PACRG: variants seen among roughly 807,000 people sequenced by gnomAD.
The protein encoded by PACRG is parkin coregulated gene protein.
Under a neutral mutation model 29.7 loss-of-function variants are expected in PACRG, and 29 were observed. That is an observed-to-expected ratio of 0.98 (90% confidence interval 0.73 to 1.33). The LOEUF (loss-of-function observed/expected upper bound fraction) is 1.33. Among genes scored for constraint, PACRG ranks in the 40% most tolerant of loss-of-function variants. The pLI, the probability that PACRG is intolerant of heterozygous loss-of-function variation, is 0.00. For missense variants in PACRG, 279 were observed against 316.2 expected, an observed-to-expected ratio of 0.88 and a Z score of 0.89; for synonymous variants, 116 against 118.7, an observed-to-expected ratio of 0.98 and a Z score of 0.15.
At chr6:162,815,411 T>A (rs1304837880) in intron 2 of PACRG, among the ~76,000 whole-genome samples, 1 of 149,972 alleles carries the variant, frequency 6.7e-6, no homozygotes, top group Non-Finnish European at 1.5e-5. Context: ...ATATCTAGTA[T>A]GTCTTTTGAA....
At chr6:163,196,592 G>A (rs564468870) in intron 4 of PACRG, among the ~76,000 whole-genome samples, 1 of 152,314 alleles carries the variant, frequency 6.6e-6, no homozygotes, top group South Asian at 2.1e-4. Flanking sequence ...ACCTGTTGTC[G>A]TCGTTGGAAC....
chr6:162,947,372 A>ATGATATATATATCATATATGATATG (rs1799157667), intron 2 of PACRG, among the ~76,000 whole-genome samples: 1 of 21,908 alleles, frequency 4.6e-5, no homozygotes, highest in African/African-American at 9.1e-5. Context: ...GTAATCATAT[A>ATGATATATATATCATATATGATATG]TAATCATATA....
chr6:162,865,643 C>T (rs114579569), intron 2 of PACRG, among the ~76,000 whole-genome samples: 1,711 of 152,254 alleles, frequency 0.011, 34 homozygotes, highest in African/African-American at 0.039. Context: ...GTTTATTTTA[C>T]ACTTCTTGAA....
chr6:162,744,239 A>G (rs1416670293), intron 1 of PACRG, among the ~76,000 whole-genome samples: 1 of 152,198 alleles, frequency 6.6e-6, no homozygotes, highest in Non-Finnish European at 1.5e-5. Context: ...GTCTGTAGTT[A>G]TTCTGGATCA....
intron 2 of PACRG, among the ~76,000 whole-genome samples, chr6:163,016,531 G>A (rs374796997): frequency 3.1e-4 from 47 of 151,598 alleles, no homozygotes; most frequent in South Asian, 2.3e-3. Flanking sequence ...AAGTATTTTT[G>A]TAATGGTAAT....
chr6:163,172,452 G>A (rs961129797), intron 4 of PACRG, among the ~76,000 whole-genome samples: 13 of 152,298 alleles, frequency 8.5e-5, no homozygotes, highest in Admixed American at 2.6e-4. Flanking sequence ...CTTTGATTCA[G>A]GCCGTGGAAT....
intron 4 of PACRG, among the ~76,000 whole-genome samples, chr6:163,154,894 A>G (rs1234757059): frequency 1.3e-5 from 2 of 152,150 alleles, no homozygotes; most frequent in East Asian, 3.9e-4. Flanking sequence ...AAACAAGCCC[A>G]AAGCTCTTAT....
intron 2 of PACRG, among the ~76,000 whole-genome samples, chr6:162,936,240 A>C (rs1429333222): frequency 6.6e-6 from 1 of 152,178 alleles, no homozygotes; most frequent in African/African-American, 2.4e-5. Context: ...TCCCTCCCAC[A>C]ACACATGGGA....
chr6:163,240,251 G>T (rs1304471751), intron 4 of PACRG, among the ~76,000 whole-genome samples: 7 of 149,390 alleles, frequency 4.7e-5, no homozygotes, highest in Admixed American at 3.3e-4. Flanking sequence ...GGAGGAGGAG[G>T]GGGGGACGTG....
intron 4 of PACRG, among the ~76,000 whole-genome samples, chr6:163,291,251 C>A (rs1449714444): frequency 7.2e-6 from 1 of 139,716 alleles, no homozygotes; most frequent in Admixed American, 7.0e-5. Flanking sequence ...CTGCGGGTCA[C>A]CCTGCAAGAT....
At chr6:163,150,117 G>C (rs1485980555) in intron 4 of PACRG, among the ~76,000 whole-genome samples, 5 of 152,180 alleles carry the variant, frequency 3.3e-5, no homozygotes, top group African/African-American at 1.2e-4. Flanking sequence ...CCTGACGCCG[G>C]AGTGGCCTCT....
intron 4 of PACRG, among the ~76,000 whole-genome samples, chr6:163,304,035 A>AAAAAAAAAAT (rs1785104064): frequency 6.6e-6 from 1 of 150,970 alleles, no homozygotes; most frequent in East Asian, 1.9e-4. Context: ...AAAAAAAAAA[A>AAAAAAAAAAT]AAAGTAAATG....
intron 2 of PACRG, among the ~76,000 whole-genome samples, chr6:162,979,063 G>A (rs1469472073): frequency 6.6e-6 from 1 of 152,102 alleles, no homozygotes; most frequent in Non-Finnish European, 1.5e-5. Flanking sequence ...TCGTTATATA[G>A]GTCCTCTTCT....
intron 1 of PACRG, among the ~76,000 whole-genome samples, chr6:162,742,595 G>T (rs1780684943): frequency 6.6e-6 from 1 of 152,060 alleles, no homozygotes; most frequent in South Asian, 2.1e-4. Flanking sequence ...ATAAATGACA[G>T]GATTTCTTTT....
At chr6:162,772,003 G>A (rs1783258502) in intron 1 of PACRG, among the ~76,000 whole-genome samples, 1 of 152,142 alleles carries the variant, frequency 6.6e-6, no homozygotes, top group African/African-American at 2.4e-5. Flanking sequence ...AATGGAAGTT[G>A]ATGATAGAAA....
At chr6:162,902,396 A>G (rs1477027532) in intron 2 of PACRG, among the ~76,000 whole-genome samples, 2 of 152,228 alleles carry the variant, frequency 1.3e-5, no homozygotes, top group Non-Finnish European at 2.9e-5. Context: ...TTAAAATACT[A>G]TAGTTTACTT....
chr6:163,238,388 G>A (rs995893143), intron 4 of PACRG, among the ~76,000 whole-genome samples: 5 of 152,276 alleles, frequency 3.3e-5, no homozygotes, highest in Non-Finnish European at 5.9e-5. Context: ...CTTTTATAAG[G>A]ATAAGTGCAG....
intron 4 of PACRG, among the ~76,000 whole-genome samples, chr6:163,150,010 G>A (rs1195490506): frequency 1.3e-5 from 2 of 152,212 alleles, no homozygotes; most frequent in African/African-American, 2.4e-5. Flanking sequence ...CTGTCTAGCT[G>A]TGCGTTAGTT....
At chr6:162,915,893 G>A (rs1796663730) in intron 2 of PACRG, among the ~76,000 whole-genome samples, 1 of 151,942 alleles carries the variant, frequency 6.6e-6, no homozygotes, top group Non-Finnish European at 1.5e-5. Context: ...CACAGACACT[G>A]GTATAATTTT....
Sources: allele counts gnomAD v4.1 joint callset (sites outside exome capture counted in the v4.1 genomes callset), GRCh38; gene constraint gnomAD v4.1.1; transcripts MANE v1.5; gene names NCBI Gene and HGNC (gene_info 2026-07-23, HGNC 2026-07-21).